Variants in ODAD2 observed in about 807,000 individuals in gnomAD.
ODAD2 encodes outer dynein arm-docking complex subunit 2.
ODAD2 carries 89 observed loss-of-function variants against 106.8 expected under a neutral mutation model. The ratio of observed to expected loss-of-function variants is 0.83; its 90% CI spans 0.70 to 0.99. The LOEUF (loss-of-function observed/expected upper bound fraction) is 0.99, where lower values mean the gene tolerates loss of function less well. Among genes scored for constraint, ODAD2 ranks in the 50% least tolerant of loss-of-function variants. ODAD2 has a pLI of 0.00. For missense variants in ODAD2, 1,168 were observed against 1,238.5 expected (o/e 0.94, Z 0.85); for synonymous variants, 404 against 436.2 (o/e 0.93, Z 0.92).
intron 16 of ODAD2, among the ~76,000 whole-genome samples, chr10:27,908,058 C>T (rs940351756): frequency 1.3e-5 from 2 of 152,132 alleles, no homozygotes; most frequent in Non-Finnish European, 2.9e-5. Flanking sequence ...TAGCTGTACA[C>T]AGACCTGTTA....
chr10:27,974,368 A>C (rs1217798696), intron 7 of ODAD2, among the ~76,000 whole-genome samples: 3 of 152,162 alleles, frequency 2.0e-5, no homozygotes, highest in African/African-American at 7.2e-5. Flanking sequence ...TGAGTTTTAC[A>C]TTTAAGTCTT....
rs118139752 is a variant in ODAD2 at position 27,949,546 on chromosome 10, C to T, written c.1387-4584G>A. Among the ~76,000 whole-genome samples the T allele has an allele frequency of 4.5e-3, 681 of 152,254 alleles. 24 individuals are homozygous for T. The East Asian group carries it at 0.1, about 23-fold the overall frequency. ...TCGGAGCAAACAGTATATGCAAAAA[C>T]GCAGGGGAGTAGAGCATGGCATGCT... On this transcript the variant is annotated intron_variant, in intron 10 of 19. Coordinates refer to ENST00000305242, the MANE Select transcript of ODAD2 (RefSeq NM_018076.5).
chr10:27,986,546 A>T (rs1413018784), intron 3 of ODAD2, among the ~76,000 whole-genome samples: 1 of 152,220 alleles, frequency 6.6e-6, no homozygotes, highest in Non-Finnish European at 1.5e-5. Flanking sequence ...AGGCATAAAA[A>T]GAGGTTGCCA....
intron 17 of ODAD2, among the ~76,000 whole-genome samples, chr10:27,891,897 G>A (rs952288266): frequency 1.4e-4 from 22 of 152,108 alleles, no homozygotes; most frequent in African/African-American, 5.3e-4. Context: ...TGTTCACGGA[G>A]CACAAATTTG....
intron 19 of ODAD2, among the ~76,000 whole-genome samples, chr10:27,827,369 CACACACACACTATATA>C (rs1837132351): frequency 9.6e-6 from 1 of 104,094 alleles, no homozygotes; most frequent in Non-Finnish European, 1.8e-5. Context: ...CACACATACA[CACACACACACTATATA>C]TATATATATA....
rs971979693 is a variant in ODAD2, at chr10:27,834,683, A to C, written c.3022-22058T>G. Among the ~76,000 whole-genome samples, 7 of 152,318 alleles carry C rather than the reference A, an allele frequency of 4.6e-5. No homozygotes were observed. The South Asian group carries it at 1.5e-3, about 32-fold the overall frequency. ...AAAGGGAAGCCATGCTAGTGTTTTC[A>C]AAAGAGCAGTGACAGATTTATGGGT... On this transcript the variant is annotated intron_variant, in intron 19 of 19. Coordinates refer to ENST00000305242, the MANE Select transcript of ODAD2 (RefSeq NM_018076.5).
chr10:27,995,252 C>G, intron 1 of ODAD2, 72 bp from the exon 2 acceptor site: 2 of 1,442,854 alleles, frequency 1.4e-6, no homozygotes, highest in Non-Finnish European at 1.8e-6. Context: ...ATTCTCAAGA[C>G]TTTAAACTAG....
At position 27,826,141 on chromosome 10, in the gene ODAD2, C is replaced by T. The variant is rs145375243; in HGVS notation, c.3022-13516G>A. 4.2e-3 allele frequency among the ~76,000 whole-genome samples: 638 copies of T among 152,202 alleles called. 3 individuals carry two copies. Among genetic ancestry groups the T allele is most frequent in the African/African-American group, 0.014 (593 of 41,530 alleles). ...ATCAGAAATTCCAGGTTCTGGAGGA[C>T]GCAGAATGGGATCAAGAACATCAAG... is the stretch of plus-strand genomic sequence containing the variant. On this transcript the variant is annotated intron_variant, in intron 19 of 19. Transcript: ENST00000305242.
Position 27,983,151 on chromosome 10 carries a change from G to A in ODAD2, c.819+692C>T, listed in dbSNP as rs1849666957. ...ACAGTTGGTTCCAGTTTCCAGGTTTGTTGATTTTTCACGGTCCCAGAAACA... is the reference window on the plus strand; with the variant it reads ...ACAGTTGGTTCCAGTTTCCAGGTTTATTGATTTTTCACGGTCCCAGAAACA... On this transcript the variant is annotated intron_variant, in intron 6 of 19. Transcript: ENST00000305242. Among the ~76,000 whole-genome samples the A allele has an allele frequency of 2.6e-5, 4 of 152,176 alleles. No individual in the cohort carries two copies. The South Asian group carries it at 8.3e-4, about 32-fold the overall frequency.
At chr10:27,874,413 C>G (rs917521296) in intron 17 of ODAD2, among the ~76,000 whole-genome samples, 29 of 152,088 alleles carry the variant, frequency 1.9e-4, no homozygotes, top group Admixed American at 9.2e-4. Context: ...TTAGCTGGTT[C>G]TTTTGCTTGT....
At chr10:27,898,177 T>C (rs978935625) in intron 17 of ODAD2, among the ~76,000 whole-genome samples, 3 of 152,142 alleles carry the variant, frequency 2.0e-5, no homozygotes, top group African/African-American at 7.2e-5. Flanking sequence ...CAATGACCAT[T>C]GACAGTTAAT....
At chr10:27,824,338 A>G (rs1589756187) in intron 19 of ODAD2, among the ~76,000 whole-genome samples, 1 of 152,064 alleles carries the variant, frequency 6.6e-6, no homozygotes, top group African/African-American at 2.4e-5. Context: ...AGTGAATAAG[A>G]CCTGAGGGCT....
chr10:27,963,190 T>C (rs1373977480), intron 9 of ODAD2, among the ~76,000 whole-genome samples: 4 of 152,058 alleles, frequency 2.6e-5, no homozygotes, highest in Non-Finnish European at 4.4e-5. Flanking sequence ...GTATTTTTAG[T>C]AGTGACGGGA....
chr10:27,969,372 C>G (rs11006789), intron 8 of ODAD2, among the ~76,000 whole-genome samples: 1 of 152,396 alleles, frequency 6.6e-6, no homozygotes, highest in East Asian at 1.9e-4. Flanking sequence ...GCAACAGGGC[C>G]TGCACCTGGT....
chr10:27,908,431 T>C (rs1843749925), intron 16 of ODAD2, among the ~76,000 whole-genome samples: 1 of 152,196 alleles, frequency 6.6e-6, no homozygotes, highest in Admixed American at 6.5e-5. Flanking sequence ...CTCCACCATC[T>C]GTCTTCTGTT....
intron 17 of ODAD2, among the ~76,000 whole-genome samples, chr10:27,903,089 A>G (rs1345167121): frequency 6.6e-6 from 1 of 152,204 alleles, no homozygotes; most frequent in Non-Finnish European, 1.5e-5. Flanking sequence ...CACATCAAAA[A>G]GCTTACCCAA....
At chr10:27,874,027 A>T (rs1468450763) in intron 17 of ODAD2, among the ~76,000 whole-genome samples, 1 of 152,154 alleles carries the variant, frequency 6.6e-6, no homozygotes, top group East Asian at 1.9e-4. Flanking sequence ...TTGCTTTATG[A>T]ATCTGGGTGC....
intron 19 of ODAD2, among the ~76,000 whole-genome samples, chr10:27,858,266 C>A (rs868749697): frequency 6.6e-6 from 1 of 152,136 alleles, no homozygotes; most frequent in African/African-American, 2.4e-5. Flanking sequence ...TGTTATGCTT[C>A]CCCCATGACC....
At chr10:27,845,150 A>T (rs1352217913) in intron 19 of ODAD2, among the ~76,000 whole-genome samples, 1 of 152,048 alleles carries the variant, frequency 6.6e-6, no homozygotes, top group Admixed American at 6.6e-5. Context: ...AAAAGGAAAA[A>T]ATGTTAAGTG....
Sources: gnomAD v4.1 joint callset for allele counts (sites outside exome capture counted in the v4.1 genomes callset) on GRCh38, gnomAD v4.1.1 for gene constraint, MANE v1.5 for transcripts, NCBI Gene and HGNC (gene_info 2026-07-23, HGNC 2026-07-21) for gene names.